MPPED2: variants seen among roughly 807,000 people sequenced by gnomAD.
MPPED2 encodes the protein metallophosphoesterase MPPED2.
A neutral mutation model predicts 33.0 loss-of-function variants in MPPED2; 5 were observed. The ratio of observed to expected loss-of-function variants is 0.15; its 90% CI spans 0.08 to 0.32. MPPED2 has a LOEUF of 0.32. Ranked by LOEUF, MPPED2 falls within the 10% of genes least tolerant of loss-of-function variation. MPPED2 has a pLI of 1.00. For missense variants in MPPED2, 275 were observed against 372.1 expected (o/e 0.74, Z 2.15); for synonymous variants, 136 against 141.9 (o/e 0.96, Z 0.29).
chr11:30,490,346 A>C (rs749089675), intron 4 of MPPED2, among the ~76,000 whole-genome samples: 1 of 152,240 alleles, frequency 6.6e-6, no homozygotes, highest in Non-Finnish European at 1.5e-5. Context: ...TGAGAAAAAA[A>C]CAACAATAGG....
intron 2 of MPPED2, among the ~76,000 whole-genome samples, chr11:30,540,522 A>T (rs1376943154): frequency 2.0e-5 from 3 of 149,714 alleles, no homozygotes; most frequent in African/African-American, 7.3e-5. Flanking sequence ...AAATGTTAGT[A>T]TTTTTTTTTT....
chr11:30,440,159 G>A (rs569871518), intron 4 of MPPED2, among the ~76,000 whole-genome samples: 173 of 152,086 alleles, frequency 1.1e-3, no homozygotes, highest in Non-Finnish European at 2.3e-3. Flanking sequence ...GTGAAACCCC[G>A]TCTCTACTAA....
At chr11:30,389,516 G>C (rs1353969652) in intron 6 of MPPED2, among the ~76,000 whole-genome samples, 2 of 152,200 alleles carry the variant, frequency 1.3e-5, no homozygotes, top group African/African-American at 4.8e-5. Context: ...TGGTGGTTAT[G>C]ATTCTGAAGG....
At chr11:30,499,839 A>C (rs1952474707) in intron 3 of MPPED2, among the ~76,000 whole-genome samples, 1 of 152,006 alleles carries the variant, frequency 6.6e-6, no homozygotes, top group South Asian at 2.1e-4. Context: ...AACTGAGGTT[A>C]TTATTTGTTT....
chr11:30,538,487 C>T (rs1954931199), intron 2 of MPPED2, among the ~76,000 whole-genome samples: 1 of 152,162 alleles, frequency 6.6e-6, no homozygotes, highest in Admixed American at 6.5e-5. Flanking sequence ...TGACTTCATA[C>T]TAGGCAATAA....
At chr11:30,412,917 C>G (rs1590174375) in intron 6 of MPPED2, among the ~76,000 whole-genome samples, 1 of 152,294 alleles carries the variant, frequency 6.6e-6, no homozygotes, top group East Asian at 1.9e-4. Flanking sequence ...AATAACAGTC[C>G]TCCAGAAATG....
At chr11:30,405,484 C>T (rs1947975182), downstream of MPPED2, among the ~76,000 whole-genome samples, 1 of 152,170 alleles carries the variant, frequency 6.6e-6, no homozygotes, top group Admixed American at 6.5e-5. Context: ...CTCTCTCTCA[C>T]CATTATCCAG....
intron 4 of MPPED2, among the ~76,000 whole-genome samples, chr11:30,489,250 T>A (rs941788621): frequency 2.6e-5 from 4 of 152,154 alleles, no homozygotes; most frequent in Non-Finnish European, 4.4e-5. Context: ...ACATGATGCA[T>A]TACAAAACTT....
chr11:30,424,987 G>GCTTGGGAAGC (rs1175783335), intron 4 of MPPED2, among the ~76,000 whole-genome samples: 3 of 152,204 alleles, frequency 2.0e-5, no homozygotes, highest in Non-Finnish European at 2.9e-5. Context: ...AAAGGGTAGT[G>GCTTGGGAAGC]CTGGCTTCTC....
intron 3 of MPPED2, among the ~76,000 whole-genome samples, chr11:30,508,292 A>G (rs949524550): frequency 3.3e-5 from 5 of 152,204 alleles, no homozygotes; most frequent in Non-Finnish European, 7.3e-5. Flanking sequence ...TGTTTGTTCT[A>G]TGAGGGTCTT....
intron 4 of MPPED2, among the ~76,000 whole-genome samples, chr11:30,492,611 A>G (rs1004108214): frequency 1.3e-5 from 2 of 152,046 alleles, no homozygotes; most frequent in African/African-American, 4.8e-5. Context: ...TCAACATCCT[A>G]CATGACCCCA....
intron 3 of MPPED2, among the ~76,000 whole-genome samples, chr11:30,533,137 T>G (rs914435151): frequency 6.6e-6 from 1 of 152,170 alleles, no homozygotes; most frequent in Non-Finnish European, 1.5e-5. Flanking sequence ...GGAAAAGGGC[T>G]CACACTTTGG....
intron 2 of MPPED2, among the ~76,000 whole-genome samples, chr11:30,572,220 CT>C (rs771843921): frequency 3.3e-4 from 50 of 152,266 alleles, no homozygotes; most frequent in Non-Finnish European, 5.7e-4. Context: ...ACAAAAACCA[CT>C]GTCCAATTAT....
At chr11:30,498,678 T>C (rs1423546469) in intron 3 of MPPED2, among the ~76,000 whole-genome samples, 1 of 152,184 alleles carries the variant, frequency 6.6e-6, no homozygotes, top group East Asian at 1.9e-4. Context: ...AAATGTCAAA[T>C]AGTTTTGTAT....
chr11:30,583,654 G>C (rs1957300933), intron 1 of MPPED2, among the ~76,000 whole-genome samples: 1 of 152,134 alleles, frequency 6.6e-6, no homozygotes, highest in Non-Finnish European at 1.5e-5. Context: ...TTTAAAGTCG[G>C]CTGGCAATGA....
At chr11:30,513,042 G>A (rs889964122) in intron 3 of MPPED2, among the ~76,000 whole-genome samples, 5 of 151,752 alleles carry the variant, frequency 3.3e-5, no homozygotes, top group African/African-American at 1.2e-4. Flanking sequence ...TCAGTTTCCA[G>A]GCTTTATCCT....
At chr11:30,538,649 T>C (rs999606733) in intron 2 of MPPED2, among the ~76,000 whole-genome samples, 2 of 152,098 alleles carry the variant, frequency 1.3e-5, no homozygotes, top group African/African-American at 4.8e-5. Context: ...GTGTTTCTTC[T>C]CAGCTTTGAG....
Position 30,552,701 on chromosome 11 carries a change from A to T in MPPED2, c.129-16526T>A, listed in dbSNP as rs113175124. 2.5e-3 allele frequency among the ~76,000 whole-genome samples: 381 copies of T among 152,042 alleles called. 6 individuals carry two copies. The highest frequency in any genetic ancestry group is 8.7e-3 in the African/African-American group (361 of 41,470). On this transcript the variant is annotated intron_variant, in intron 2 of 6. Coordinates refer to ENST00000358117, the MANE Select transcript of MPPED2 (RefSeq NM_001584.3). The stretch of plus-strand genomic sequence containing the variant: ...TATAAACGTTTTCACTGGCTGTGGG[A>T]TATTTCACAGGTTAGTTTTGTCACA...
chr11:30,538,045 T>A (rs1954907408), intron 2 of MPPED2, among the ~76,000 whole-genome samples: 1 of 152,176 alleles, frequency 6.6e-6, no homozygotes, highest in Non-Finnish European at 1.5e-5. Context: ...TGTCACTCTC[T>A]AAAAGTGATA....
Sources: gnomAD v4.1 joint callset for allele counts (sites outside exome capture counted in the v4.1 genomes callset) on GRCh38, gnomAD v4.1.1 for gene constraint, MANE v1.5 for transcripts, NCBI Gene and HGNC (gene_info 2026-07-23, HGNC 2026-07-21) for gene names.